The following LINGO2 variants were observed in gnomAD, a reference collection of about 807,000 sequenced individuals.
The protein encoded by LINGO2 is leucine-rich repeat and immunoglobulin-like domain-containing nogo receptor-interacting protein 2.
LINGO2 carries 14 observed loss-of-function variants against 30.6 expected under a neutral mutation model. The observed-to-expected ratio is 0.46, with a 90% CI of 0.30 to 0.72. The LOEUF (loss-of-function observed/expected upper bound fraction) is 0.72. Among genes scored for constraint, LINGO2 ranks in the 30% least tolerant of loss-of-function variants. LINGO2 has a pLI of 0.07. For synonymous variants in LINGO2, 317 were observed against 288.5 expected, an observed-to-expected ratio of 1.10 and a Z score of -1.00; for missense variants, 729 against 751.7, an observed-to-expected ratio of 0.97 and a Z score of 0.35.
the LINGO2 span, among the ~76,000 whole-genome samples, chr9:29,087,257 G>A: frequency 6.6e-6 from 1 of 152,108 alleles, no homozygotes; most frequent in South Asian, 2.1e-4. Flanking sequence ...AGTTCTACAA[G>A]ACTCAGTTAC....
At chr9:29,188,752 G>T in the LINGO2 span, among the ~76,000 whole-genome samples, 2 of 138,504 alleles carry the variant, frequency 1.4e-5, no homozygotes, top group African/African-American at 5.3e-5. Flanking sequence ...GGGCAGAGGG[G>T]CTCCTCACTT....
At chr9:28,785,449 T>C in the LINGO2 span, among the ~76,000 whole-genome samples, 1 of 152,212 alleles carries the variant, frequency 6.6e-6, no homozygotes, top group Non-Finnish European at 1.5e-5. Flanking sequence ...TCTCACTCTC[T>C]ATAATATCAC....
chr9:28,984,768 G>A, the LINGO2 span, among the ~76,000 whole-genome samples: 7 of 151,652 alleles, frequency 4.6e-5, no homozygotes, highest in Admixed American at 2.0e-4. Flanking sequence ...ACATATTCAC[G>A]GGATACAAAA....
the LINGO2 span, among the ~76,000 whole-genome samples, chr9:28,945,078 A>G: frequency 6.6e-6 from 1 of 152,136 alleles, no homozygotes; most frequent in Admixed American, 6.5e-5. Context: ...TCATGATTAG[A>G]AAATTAAATT....
chr9:28,728,464 C>T, the LINGO2 span, among the ~76,000 whole-genome samples: 1 of 149,552 alleles, frequency 6.7e-6, no homozygotes, highest in South Asian at 2.2e-4. Context: ...ATGAATAAAT[C>T]ATATAAAAAG....
the LINGO2 span, among the ~76,000 whole-genome samples, chr9:29,121,865 G>C: frequency 1.3e-5 from 2 of 152,054 alleles, no homozygotes; most frequent in African/African-American, 4.8e-5. Flanking sequence ...GCTAAGCAGA[G>C]ATTAAGAGAG....
the LINGO2 span, among the ~76,000 whole-genome samples, chr9:29,101,381 T>C: frequency 7.2e-5 from 11 of 152,316 alleles, no homozygotes; most frequent in East Asian, 1.4e-3. Context: ...ACAGGAATCA[T>C]AGACATACAA....
the LINGO2 span, among the ~76,000 whole-genome samples, chr9:28,875,242 T>A: frequency 1.3e-5 from 2 of 152,096 alleles, no homozygotes; most frequent in Non-Finnish European, 2.9e-5. Flanking sequence ...TTTACCTGTA[T>A]ACAACACTAA....
the LINGO2 span, among the ~76,000 whole-genome samples, chr9:28,836,097 C>T: frequency 2.6e-5 from 4 of 152,174 alleles, no homozygotes; most frequent in South Asian, 2.1e-4. Context: ...AACAAGAAAA[C>T]TGTAGCTCAC....
rs139863370 is a variant in LINGO2 at position 28,548,035 on chromosome 9, T to C, written c.-364-72010A>G. On this transcript the variant is annotated intron_variant, in intron 1 of 5. Transcript: ENST00000379992. The stretch of plus-strand genomic sequence containing the variant: ...AGCTAGAGTATATAACAGAATGCAG[T>C]GAAAATCCACCCAAGGAAGCTATGG... Among the ~76,000 whole-genome samples the C allele has an allele frequency of 2.5e-3, 374 of 152,112 alleles. 2 individuals are homozygous for C. Among genetic ancestry groups the C allele is most frequent in the African/African-American group, 8.0e-3 (333 of 41,522 alleles).
At chr9:28,604,386 C>G (rs369465675) in intron 1 of LINGO2, among the ~76,000 whole-genome samples, 12 of 151,880 alleles carry the variant, frequency 7.9e-5, no homozygotes, top group Non-Finnish European at 1.2e-4. Flanking sequence ...TCATATGAGC[C>G]CTTGTTCAAT....
chr9:27,973,528 A>G (rs1220464310), intron 5 of LINGO2, among the ~76,000 whole-genome samples: 3 of 152,190 alleles, frequency 2.0e-5, no homozygotes, highest in Non-Finnish European at 4.4e-5. Flanking sequence ...ATAGCTGTGA[A>G]ACTGAAGCTC....
chr9:28,774,343 A>G, the LINGO2 span, among the ~76,000 whole-genome samples: 6 of 152,270 alleles, frequency 3.9e-5, no homozygotes, highest in African/African-American at 7.2e-5. Context: ...AATGAAATAC[A>G]TGTTTTGCAT....
the LINGO2 span, among the ~76,000 whole-genome samples, chr9:29,051,124 A>AC: frequency 6.6e-6 from 1 of 152,174 alleles, no homozygotes; most frequent in African/African-American, 2.4e-5. Flanking sequence ...CTTAGGACTT[A>AC]TAAACCTACA....
chr9:28,703,844 A>G, the LINGO2 span, among the ~76,000 whole-genome samples: 1 of 152,002 alleles, frequency 6.6e-6, no homozygotes, highest in Non-Finnish European at 1.5e-5. Context: ...ACCTTATAAT[A>G]ATAAAGTATT....
At chr9:28,814,305 T>G in the LINGO2 span, among the ~76,000 whole-genome samples, 1 of 151,738 alleles carries the variant, frequency 6.6e-6, no homozygotes, top group Non-Finnish European at 1.5e-5. Flanking sequence ...GGTGTGGTGG[T>G]GCACGCCTGT....
chr9:28,322,712 A>G (rs1424909790), intron 3 of LINGO2, among the ~76,000 whole-genome samples: 1 of 152,154 alleles, frequency 6.6e-6, no homozygotes, highest in Non-Finnish European at 1.5e-5. Context: ...CTGGACGTAA[A>G]GATGCTTTTC....
At chr9:29,173,401 G>A in the LINGO2 span, among the ~76,000 whole-genome samples, 1 of 152,066 alleles carries the variant, frequency 6.6e-6, no homozygotes, top group African/African-American at 2.4e-5. Context: ...TTACTGTAAA[G>A]TAAAAGCTAT....
the LINGO2 span, among the ~76,000 whole-genome samples, chr9:28,942,366 G>GT: frequency 6.6e-6 from 1 of 152,160 alleles, no homozygotes; most frequent in Non-Finnish European, 1.5e-5. Flanking sequence ...AGTGAGGAGA[G>GT]TAAGTGATGG....
Sources: allele counts gnomAD v4.1 joint callset (sites outside exome capture counted in the v4.1 genomes callset), GRCh38; gene constraint gnomAD v4.1.1; transcripts MANE v1.5; gene names NCBI Gene and HGNC (gene_info 2026-07-23, HGNC 2026-07-21).